ZNF540: variants seen among roughly 807,000 people sequenced by gnomAD.
ZNF540 encodes CTD-3064H18.6.
A neutral mutation model predicts 11.8 loss-of-function variants in ZNF540; 3 were observed. The observed-to-expected ratio is 0.25, with a 90% CI of 0.12 to 0.65. The LOEUF (loss-of-function observed/expected upper bound fraction) is 0.65, where lower values mean the gene tolerates loss of function less well. Among genes scored for constraint, ZNF540 ranks in the 30% least tolerant of loss-of-function variants. The pLI is 0.83. For missense variants in ZNF540, 709 were observed against 793.1 expected (o/e 0.89, Z 1.27); for synonymous variants, 247 against 259.0 (o/e 0.95, Z 0.45).
At chr19:37,594,327 C>A (rs1331111712), upstream of ZNF540, 2 of 152,392 alleles carry the variant, frequency 1.3e-5, no homozygotes, top group East Asian at 1.9e-4. Context: ...GCGCTAGGAG[C>A]ATTAACAGGC....
chr19:37,594,882 G>T lies in ZNF540; in HGVS notation c.-286G>T, dbSNP rs949142041. The T allele has an allele frequency of 6.6e-6, 1 of 152,210 alleles. No individual in the cohort carries two copies. Among genetic ancestry groups the T allele is most frequent in the African/African-American group, 2.4e-5 (1 of 41,440 alleles). The allele number at this position is 152,210 out of a possible 1,614,324, so 9.4% of individuals were successfully genotyped here. ...GTGTCTGCGCAGGCCCAGCAGCTAA[G>T]ATCGGGTCCGGCGCTCCAGAACAGA... On this transcript the variant is annotated 5_prime_UTR_variant, in exon 1 of 5. Transcript: ENST00000316433.
At chr19:37,561,274 T>C (rs1352945232) in intron 1 of ZNF540, among the ~76,000 whole-genome samples, 1 of 151,832 alleles carries the variant, frequency 6.6e-6, no homozygotes, top group African/African-American at 2.4e-5. Context: ...ATCTAGACAA[T>C]GATGGAGTGT....
intron 2 of ZNF540, 102 bp from the exon 3 acceptor site, chr19:37,599,524 G>A: frequency 7.0e-7 from 1 of 1,421,886 alleles, no homozygotes; most frequent in Non-Finnish European, 9.8e-7. Context: ...CTAGAGTTTA[G>A]TATAGTACCC....
At chr19:37,554,538 C>T (rs1293247938) in intron 1 of ZNF540, among the ~76,000 whole-genome samples, 1 of 152,226 alleles carries the variant, frequency 6.6e-6, no homozygotes, top group Non-Finnish European at 1.5e-5. Context: ...TCCTTTACCA[C>T]TAGTTTTCAG....
intron 1 of ZNF540, among the ~76,000 whole-genome samples, chr19:37,553,299 A>G (rs2042628173): frequency 6.7e-6 from 1 of 150,364 alleles, no homozygotes; most frequent in Non-Finnish European, 1.5e-5. Flanking sequence ...CGCCTGCCTA[A>G]TTTTTGTATT....
chr19:37,588,119 AAAAAAAAAAT>A (rs2043744147), intron 1 of ZNF540, among the ~76,000 whole-genome samples: 2 of 150,308 alleles, frequency 1.3e-5, no homozygotes, highest in African/African-American at 2.4e-5. Context: ...AAAAAAAAAA[AAAAAAAAAAT>A]CCCATGGGTT....
intron 1 of ZNF540, chr19:37,565,786 C>T (rs756222273): frequency 4.8e-5 from 77 of 1,613,680 alleles, no homozygotes; most frequent in Non-Finnish European, 9.3e-6. Context: ...TATGAATTTT[C>T]TGATGTTGAA....
At chr19:37,565,307 C>G (rs887582479) in intron 1 of ZNF540, 5 of 1,609,292 alleles carry the variant, frequency 3.1e-6, no homozygotes. Flanking sequence ...TTGTGAGCCA[C>G]GAAAAAAGGT....
intron 4 of ZNF540, among the ~76,000 whole-genome samples, chr19:37,607,096 C>G (rs917132208): frequency 6.6e-6 from 1 of 151,840 alleles, no homozygotes; most frequent in Non-Finnish European, 1.5e-5. Context: ...AGTTTAGATA[C>G]TAGATATATA....
chr19:37,604,193 T>C (rs148594672), intron 4 of ZNF540, among the ~76,000 whole-genome samples: 18 of 151,650 alleles, frequency 1.2e-4, no homozygotes, highest in Admixed American at 1.1e-3. Context: ...ATTTCTTCTG[T>C]GGTCAATACA....
intron 1 of ZNF540, among the ~76,000 whole-genome samples, chr19:37,566,818 C>T (rs897593656): frequency 6.6e-6 from 1 of 152,112 alleles, no homozygotes; most frequent in Admixed American, 6.6e-5. Flanking sequence ...CATGATTTCC[C>T]CTGCTAAAAA....
At chr19:37,608,614 T>G (rs1206866688) in intron 4 of ZNF540, among the ~76,000 whole-genome samples, 31 of 150,832 alleles carry the variant, frequency 2.1e-4, no homozygotes, top group Non-Finnish European at 1.5e-5. Context: ...CATGATGTAC[T>G]GGGTAATGGG....
intron 1 of ZNF540, chr19:37,560,950 G>A (rs1349899447): frequency 1.4e-5 from 2 of 144,270 alleles, no homozygotes; most frequent in African/African-American, 2.6e-5. Context: ...TATGGCTCAT[G>A]TCTGTAATCG....
At chr19:37,604,553 C>G (rs1043259364) in intron 4 of ZNF540, among the ~76,000 whole-genome samples, 12 of 151,800 alleles carry the variant, frequency 7.9e-5, no homozygotes, top group African/African-American at 2.7e-4. Flanking sequence ...GTGATCCGCC[C>G]GCCTCGGCCT....
intron 1 of ZNF540, chr19:37,566,199 T>TA: frequency 6.2e-7 from 1 of 1,614,014 alleles, no homozygotes; most frequent in Non-Finnish European, 8.5e-7. Context: ...TGATGGTTGA[T>TA]ACGTTTCCCC....
At chr19:37,558,343 TATC>T (rs1400320093) in intron 1 of ZNF540, among the ~76,000 whole-genome samples, 6 of 152,176 alleles carry the variant, frequency 3.9e-5, no homozygotes, top group Non-Finnish European at 8.8e-5. Flanking sequence ...TTTCTTTTAA[TATC>T]TGGGGCTGCC....
At chr19:37,568,180 A>C (rs1286724303) in intron 1 of ZNF540, among the ~76,000 whole-genome samples, 4 of 152,240 alleles carry the variant, frequency 2.6e-5, no homozygotes, top group Non-Finnish European at 4.4e-5. Flanking sequence ...AGAATAACAA[A>C]GACTGGTCAT....
At chr19:37,564,423 C>T (rs984077635) in intron 1 of ZNF540, 21 of 460,334 alleles carry the variant, frequency 4.6e-5, no homozygotes, top group Admixed American at 2.7e-4. Flanking sequence ...TATATTCTAG[C>T]GTTTATAGAG....
chr19:37,592,258 TAAAG>T (rs901467170), upstream of ZNF540, among the ~76,000 whole-genome samples: 12 of 151,998 alleles, frequency 7.9e-5, no homozygotes, highest in African/African-American at 2.7e-4. Context: ...GAAAAAAAAA[TAAAG>T]AATGGATCTT....
Sources: gnomAD v4.1 joint callset for allele counts (sites outside exome capture counted in the v4.1 genomes callset) on GRCh38, gnomAD v4.1.1 for gene constraint, MANE v1.5 for transcripts, NCBI Gene and HGNC (gene_info 2026-07-23, HGNC 2026-07-21) for gene names.